RELN: variants seen among roughly 807,000 people sequenced by gnomAD.
RELN encodes reelin.
RELN carries 108 observed loss-of-function variants against 427.6 expected under a neutral mutation model. The observed-to-expected ratio is 0.25, with a 90% CI of 0.22 to 0.30. The LOEUF (loss-of-function observed/expected upper bound fraction) is 0.30, where lower values mean the gene tolerates loss of function less well. Ranked by LOEUF, RELN falls within the 10% of genes least tolerant of loss-of-function variation. The probability of loss-of-function intolerance (pLI) is 1.00; values close to 1 mark genes in which losing one functional copy is unlikely to be tolerated. For synonymous variants in RELN, 1,524 were observed against 1,513.4 expected (o/e 1.01, Z -0.16); for missense variants, 3,715 against 4,302.8 (o/e 0.86, Z 3.82).
chr7:103,865,132 C>CAAAAAAAAAAAAAAAAGAAAAAAAAAAA (rs1794166366), intron 2 of RELN, among the ~76,000 whole-genome samples: 1 of 67,198 alleles, frequency 1.5e-5, no homozygotes, highest in African/African-American at 6.4e-5. Context: ...GAAACTGTCT[C>CAAAAAAAAAAAAAAAAGAAAAAAAAAAA]AAAAAAAAAA....
intron 9 of RELN, among the ~76,000 whole-genome samples, chr7:103,700,285 G>C (rs1219943585): frequency 6.6e-6 from 1 of 152,032 alleles, no homozygotes; most frequent in Admixed American, 6.5e-5. Flanking sequence ...AACATAATTT[G>C]AGTTTTGCTA....
chr7:103,628,255 T>C (rs1462318364), intron 20 of RELN: 1 of 152,126 alleles, frequency 6.6e-6, no homozygotes, highest in Non-Finnish European at 1.5e-5. Flanking sequence ...AGAACATCTG[T>C]AAAAACAAGC....
At chr7:103,832,034 C>A (rs1366431149) in intron 3 of RELN, among the ~76,000 whole-genome samples, 1 of 152,056 alleles carries the variant, frequency 6.6e-6, no homozygotes, top group Non-Finnish European at 1.5e-5. Context: ...TAAATATCAA[C>A]CAGTTATGTG....
intron 1 of RELN, among the ~76,000 whole-genome samples, chr7:103,927,182 A>G (rs527798686): frequency 1.3e-5 from 2 of 152,294 alleles, no homozygotes; most frequent in South Asian, 2.1e-4. Context: ...GTGTGAGACT[A>G]TGTGTGTATT....
At chr7:103,500,677 A>C in intron 53 of RELN, 68 bp downstream of exon 53, 2 of 1,506,736 alleles carry the variant, frequency 1.3e-6, no homozygotes, top group Non-Finnish European at 9.2e-7. Flanking sequence ...TATGTCTCAT[A>C]CATAAGTTGG....
intron 3 of RELN, among the ~76,000 whole-genome samples, chr7:103,797,296 G>T (rs1792330104): frequency 6.6e-6 from 1 of 152,060 alleles, no homozygotes; most frequent in Non-Finnish European, 1.5e-5. Flanking sequence ...AGTAGAGATG[G>T]GGTTTCACCA....
At chr7:103,677,461 C>G (rs1171280001) in intron 11 of RELN, among the ~76,000 whole-genome samples, 27 of 141,770 alleles carry the variant, frequency 1.9e-4, no homozygotes, top group African/African-American at 6.3e-4. Context: ...ATAAAAAGAA[C>G]AACAACAGTT....
chr7:103,788,913 G>A (rs1256332279), intron 3 of RELN, among the ~76,000 whole-genome samples: 16 of 152,036 alleles, frequency 1.1e-4, no homozygotes, highest in Admixed American at 1.0e-3. Context: ...AGCTGGAGGT[G>A]TCATGCTACC....
intron 64 of RELN, among the ~76,000 whole-genome samples, chr7:103,473,805 G>C (rs561089610): frequency 6.6e-6 from 1 of 152,182 alleles, no homozygotes; most frequent in Non-Finnish European, 1.5e-5. Flanking sequence ...ACACTGACCT[G>C]AGTGACAATA....
chr7:103,610,847 T>C (rs1372642786), intron 21 of RELN, 40 bp from the exon 22 acceptor site: 1 of 1,166,430 alleles, frequency 8.6e-7, no homozygotes, highest in South Asian at 1.2e-5. Flanking sequence ...CAGCTTCTGT[T>C]TTCCTCAGGT....
chr7:103,551,395 A>C, intron 40 of RELN, 99 bp from the exon 41 acceptor site: 1 of 831,336 alleles, frequency 1.2e-6, no homozygotes, highest in Non-Finnish European at 2.0e-6. Context: ...TTTCCTGGGA[A>C]CTGTCTTGCT....
chr7:103,840,390 G>A (rs1181837836), intron 2 of RELN, among the ~76,000 whole-genome samples: 1 of 152,204 alleles, frequency 6.6e-6, no homozygotes, highest in African/African-American at 2.4e-5. Flanking sequence ...TCCAGAGATG[G>A]TTCCCTCAGT....
At chr7:103,967,508 C>T (rs1796683484) in intron 1 of RELN, among the ~76,000 whole-genome samples, 2 of 152,146 alleles carry the variant, frequency 1.3e-5, no homozygotes, top group African/African-American at 2.4e-5. Context: ...CAATTAGGTT[C>T]CAGGCAGCTT....
intron 4 of RELN, among the ~76,000 whole-genome samples, chr7:103,759,990 C>CTTTTTTTTTTTTTTTTTTTTTTT (rs57019839): frequency 4.6e-5 from 3 of 64,932 alleles, no homozygotes; most frequent in African/African-American, 7.0e-5. Context: ...CACAGTCATA[C>CTTTTTTTTTTTTTTTTTTTTTTT]TTTTTTTTTT....
chr7:103,835,541 T>C (rs1308330518), intron 2 of RELN, among the ~76,000 whole-genome samples: 6 of 152,170 alleles, frequency 3.9e-5, no homozygotes, highest in Non-Finnish European at 5.9e-5. Flanking sequence ...TTTTATTGTG[T>C]GTAGGGATAG....
rs1191624813 is a variant in RELN at position 103,654,128 on chromosome 7, T to C, written c.1519A>G (p.Ile507Val). 12 of 1,604,270 alleles carry C rather than the reference T, an allele frequency of 7.5e-6. No individual in the cohort carries two copies. The highest frequency in any genetic ancestry group is 4.4e-5 in the South Asian group (4 of 90,894). ...GAATAGGAAAGGGTATCCAGTGTTA[T>C]ATGCTCTTTTCTTCCTTCAATTTTT... is the stretch of plus-strand genomic sequence containing the variant. Reference protein sequence around the residue: ...YAKIEGRKEHITLDTLSYSSY... With the variant: ...YAKIEGRKEHVTLDTLSYSSY... The change falls in exon 13 of 65, where the codon ATA becomes GTA. Residue 507 changes from isoleucine to valine, a missense_variant. By Grantham distance (29) the Ile-to-Val change is conservative. Coordinates refer to ENST00000428762, the MANE Select transcript of RELN (RefSeq NM_005045.4).
chr7:103,474,002 G>A (rs1827945066), intron 64 of RELN, among the ~76,000 whole-genome samples: 1 of 152,180 alleles, frequency 6.6e-6, no homozygotes, highest in South Asian at 2.1e-4. Flanking sequence ...AGTTAGGGTA[G>A]GAGAGGGGGG....
Position 103,569,725 on chromosome 7 carries a change from G to C in RELN, c.4588+2459C>G, listed in dbSNP as rs1830838452. Among the ~76,000 whole-genome samples, 1 of 152,170 alleles carries C rather than the reference G, an allele frequency of 6.6e-6. No homozygotes were observed. The highest frequency in any genetic ancestry group is 2.4e-5 in the African/African-American group (1 of 41,460). On this transcript the variant is annotated intron_variant, in intron 31 of 64. Coordinates refer to ENST00000428762, the MANE Select transcript of RELN (RefSeq NM_005045.4). This position sits in a 1 kb window ranked among gnomAD's most constrained non-coding sequence, Gnocchi z 4.0. ...GAAGGAGAGCCTCTCAGATAAGAAT[G>C]AGAGGGTCGAGGAATGCAAGAAAGG...
chr7:103,688,743 A>G (rs1281770804), intron 10 of RELN, among the ~76,000 whole-genome samples: 1 of 152,096 alleles, frequency 6.6e-6, no homozygotes, highest in African/African-American at 2.4e-5. Context: ...AGGACTGGAG[A>G]CTTGCCTAGT....
Sources: allele counts gnomAD v4.1 joint callset (sites outside exome capture counted in the v4.1 genomes callset), GRCh38; gene constraint gnomAD v4.1.1; non-coding constraint Gnocchi (gnomAD v3.1); transcripts MANE v1.5; gene names NCBI Gene and HGNC (gene_info 2026-07-23, HGNC 2026-07-21).